The following SMOC1 variants were observed in gnomAD, a reference collection of about 807,000 sequenced individuals.
The protein encoded by SMOC1 is SPARC-related modular calcium-binding protein 1.
SMOC1 carries 22 observed loss-of-function variants against 56.3 expected under a neutral mutation model. The observed-to-expected ratio is 0.39, with a 90% CI of 0.28 to 0.56. The LOEUF (loss-of-function observed/expected upper bound fraction) is 0.56. Ranked by LOEUF, SMOC1 falls within the 20% of genes least tolerant of loss-of-function variation. The probability of loss-of-function intolerance (pLI) is 0.61; values close to 1 mark genes in which losing one functional copy is unlikely to be tolerated. For missense variants in SMOC1, 509 were observed against 565.4 expected, an observed-to-expected ratio of 0.90 and a Z score of 1.01; for synonymous variants, 193 against 215.0, an observed-to-expected ratio of 0.90 and a Z score of 0.89.
rs1327720996 is a variant in SMOC1 at position 69,879,428 on chromosome 14, T to G, written c.-251T>G. ...ATGGCCCGGGCTCAGGCGTCCAACC[T>G]GCTGCCGCCTGGGCCCCGCCGAGCG... On this transcript the variant is annotated 5_prime_UTR_variant, in exon 1 of 12. Coordinates refer to ENST00000361956, the MANE Select transcript of SMOC1 (RefSeq NM_001034852.3). 2.7e-5 allele frequency: 10 copies of G among 376,846 alleles called. No individual in the cohort carries two copies. Among genetic ancestry groups the G allele is most frequent in the Non-Finnish European group, 4.7e-5 (10 of 214,514 alleles). 23.3% of individuals were successfully genotyped at this position (376,846 alleles called of 1,614,324 possible).
chr14:69,961,358 G>A (rs1035657928), intron 3 of SMOC1, among the ~76,000 whole-genome samples: 13 of 137,260 alleles, frequency 9.5e-5, no homozygotes, highest in Non-Finnish European at 1.5e-5. Flanking sequence ...ATGGACATTT[G>A]GGTTGTTTCT....
intron 10 of SMOC1, among the ~76,000 whole-genome samples, chr14:70,020,873 G>A (rs1885695393): frequency 6.6e-6 from 1 of 152,180 alleles, no homozygotes; most frequent in Non-Finnish European, 1.5e-5. Context: ...GCTTCTTGCT[G>A]CAAAATAGCC....
At chr14:70,017,703 G>A (rs1397344369) in intron 10 of SMOC1, among the ~76,000 whole-genome samples, 1 of 152,206 alleles carries the variant, frequency 6.6e-6, no homozygotes, top group Non-Finnish European at 1.5e-5. Flanking sequence ...CCCGCCCCTG[G>A]TATGAGCTCC....
chr14:69,986,148 C>T (rs1010462928), intron 5 of SMOC1, among the ~76,000 whole-genome samples: 1 of 152,146 alleles, frequency 6.6e-6, no homozygotes, highest in African/African-American at 2.4e-5. Flanking sequence ...GAAAAGAGCC[C>T]ATTTCAAAAG....
In SMOC1 at chr14:69,965,569, G is replaced by T. The variant is rs114970372; in HGVS notation, c.379-10146G>T. Among the ~76,000 whole-genome samples, 206 of 152,144 alleles carry T rather than the reference G, an allele frequency of 1.4e-3. 2 individuals carry two copies. Among genetic ancestry groups the T allele is most frequent in the African/African-American group, 4.8e-3 (198 of 41,500 alleles). On this transcript the variant is annotated intron_variant, in intron 3 of 11. Coordinates refer to ENST00000361956, the MANE Select transcript of SMOC1 (RefSeq NM_001034852.3). ...AATAGGGAAGAACTTTTGACAAGTAGAGTAGCTCACAGACAGAATGTCTGA... is the reference window on the plus strand; with the variant it reads ...AATAGGGAAGAACTTTTGACAAGTATAGTAGCTCACAGACAGAATGTCTGA...
intron 3 of SMOC1, among the ~76,000 whole-genome samples, chr14:69,961,729 AT>A (rs1007630423): frequency 3.3e-5 from 5 of 151,970 alleles, no homozygotes; most frequent in African/African-American, 1.2e-4. Context: ...ATTTGTGTAC[AT>A]TTTTTTGTGT....
chr14:70,014,204 C>T (rs1341352256), intron 10 of SMOC1, among the ~76,000 whole-genome samples: 1 of 152,168 alleles, frequency 6.6e-6, no homozygotes, highest in Non-Finnish European at 1.5e-5. Flanking sequence ...AGGCATGTCC[C>T]ACCTTCAAAG....
intron 7 of SMOC1, among the ~76,000 whole-genome samples, chr14:69,995,138 C>T (rs961450560): frequency 3.3e-5 from 5 of 152,176 alleles, no homozygotes; most frequent in African/African-American, 1.2e-4. Context: ...CTTCATTATG[C>T]GAAATACCAC....
chr14:69,963,719 G>A (rs1038371276), intron 3 of SMOC1, among the ~76,000 whole-genome samples: 3 of 152,192 alleles, frequency 2.0e-5, no homozygotes, highest in African/African-American at 7.2e-5. Context: ...GGAGGTCAAG[G>A]TGGCATATCA....
At chr14:69,982,926 G>C (rs1036505312) in intron 5 of SMOC1, among the ~76,000 whole-genome samples, 2 of 152,218 alleles carry the variant, frequency 1.3e-5, no homozygotes, top group Non-Finnish European at 2.9e-5. Flanking sequence ...CTCCAAGCCT[G>C]AGAGAGGCAG....
intron 1 of SMOC1, among the ~76,000 whole-genome samples, chr14:69,946,347 C>G (rs1177490707): frequency 6.6e-6 from 1 of 152,166 alleles, no homozygotes; most frequent in African/African-American, 2.4e-5. Context: ...AGTATCCATC[C>G]TACTTTACAA....
intron 11 of SMOC1, among the ~76,000 whole-genome samples, chr14:70,025,014 G>A (rs1312353676): frequency 1.3e-5 from 2 of 152,134 alleles, no homozygotes; most frequent in African/African-American, 2.4e-5. Flanking sequence ...ATCAAGTTAG[G>A]TATGGGACAA....
At chr14:69,941,825 C>T (rs1179698028) in intron 1 of SMOC1, among the ~76,000 whole-genome samples, 1 of 152,154 alleles carries the variant, frequency 6.6e-6, no homozygotes, top group Non-Finnish European at 1.5e-5. Context: ...TTTCAACATC[C>T]CTTCCTACTT....
chr14:69,909,644 A>G (rs957928092), intron 1 of SMOC1, among the ~76,000 whole-genome samples: 2 of 152,172 alleles, frequency 1.3e-5, no homozygotes, highest in Non-Finnish European at 2.9e-5. Flanking sequence ...GTAAAGAGCT[A>G]TTTTCCATTG....
rs1884375913 is a variant in SMOC1, at chr14:69,986,662, C to T, written c.527-5755C>T. The stretch of plus-strand genomic sequence containing the variant: ...ATTAGCCGAGTCTTCTGTGTGAACC[C>T]AGCCCTGACCAGGCTCCTCTGCTGC... On this transcript the variant is annotated intron_variant, in intron 5 of 11. Transcript: ENST00000361956. Among the ~76,000 whole-genome samples, 4 of 152,142 alleles carry T rather than the reference C, an allele frequency of 2.6e-5. 1 individual carries two copies. The South Asian group carries it at 6.2e-4, about 24-fold the overall frequency.
In SMOC1 at chr14:69,941,681, G is replaced by A. The variant is rs142231253; in HGVS notation, c.100-10457G>A. Among the ~76,000 whole-genome samples the A allele has an allele frequency of 9.5e-4, 144 of 152,262 alleles. 4 individuals are homozygous for A. In the East Asian group the frequency reaches 0.024, roughly 26 times the overall value. ...CACCAAAGACAGCTGGGAATTTTTA[G>A]GATCCTCTATGATCTCTCCCCAACC... On this transcript the variant is annotated intron_variant, in intron 1 of 11. Transcript: ENST00000361956.
At chr14:69,919,160 T>C (rs1256799870) in intron 1 of SMOC1, among the ~76,000 whole-genome samples, 1 of 152,220 alleles carries the variant, frequency 6.6e-6, no homozygotes, top group Admixed American at 6.5e-5. Flanking sequence ...GTATTTCACA[T>C]TGGGAATTCC....
chr14:69,900,069 CACAA>C (rs1326318504), intron 1 of SMOC1, among the ~76,000 whole-genome samples: 8 of 152,334 alleles, frequency 5.3e-5, no homozygotes, highest in African/African-American at 1.7e-4. Context: ...TCCAGACACA[CACAA>C]ACAGAGTGTG....
intron 1 of SMOC1, among the ~76,000 whole-genome samples, chr14:69,915,697 C>A (rs1884668662): frequency 6.6e-6 from 1 of 152,174 alleles, no homozygotes. Context: ...TCCAAGCTGG[C>A]TAATGTGCAG....
Sources: gnomAD v4.1 joint callset for allele counts (sites outside exome capture counted in the v4.1 genomes callset) on GRCh38, gnomAD v4.1.1 for gene constraint, MANE v1.5 for transcripts, NCBI Gene and HGNC (gene_info 2026-07-23, HGNC 2026-07-21) for gene names.